Variants in ZNF280D observed in about 807,000 individuals in gnomAD.
ZNF280D encodes the protein zinc finger protein 280D.
Under a neutral mutation model 94.7 loss-of-function variants are expected in ZNF280D, and 39 were observed. The ratio of observed to expected loss-of-function variants is 0.41; its 90% confidence interval spans 0.32 to 0.54. The LOEUF (loss-of-function observed/expected upper bound fraction) is 0.54, where lower values mean the gene tolerates loss of function less well. ZNF280D is among the 20% of genes least tolerant of loss of function. The pLI, the probability that ZNF280D is intolerant of heterozygous loss-of-function variation, is 0.22. For synonymous variants in ZNF280D, 398 were observed against 377.6 expected (o/e 1.05, Z -0.63); for missense variants, 1,090 against 1,149.3 (o/e 0.95, Z 0.75).
chr15:56,730,814 A>T (rs1252676785), intron 1 of ZNF280D, among the ~76,000 whole-genome samples: 9 of 152,196 alleles, frequency 5.9e-5, no homozygotes, highest in African/African-American at 2.2e-4. Flanking sequence ...ACTGCTCCCA[A>T]CTGTGTTTAT....
chr15:56,715,111 T>C (rs1475356279), intron 1 of ZNF280D, among the ~76,000 whole-genome samples: 1 of 152,090 alleles, frequency 6.6e-6, no homozygotes, highest in Non-Finnish European at 1.5e-5. Flanking sequence ...TCTGGAAAGA[T>C]AAGACAGTGC....
intron 13 of ZNF280D, among the ~76,000 whole-genome samples, chr15:56,669,962 T>A (rs369792597): frequency 0.067 from 55 of 826 alleles, 12 homozygotes; most frequent in Non-Finnish European, 0.087. Flanking sequence ...TATATATATA[T>A]TATATATATA....
rs770956830 is a variant in ZNF280D at position 56,693,174 on chromosome 15, T to A, written c.423A>T (p.Ser141=). Reference sequence around the variant, plus strand: ...GGGTCAAGTCAAACAGTAACTCTGATGACTTATTAGACACAACTCGTGATG... The same window carrying A: ...GGGTCAAGTCAAACAGTAACTCTGAAGACTTATTAGACACAACTCGTGATG... ...TNSSRVVSNK[S]SELLFDLTQD... The change falls in exon 7 of 22, where the codon TCA becomes TCT. Residue 141 remains serine (S), a synonymous_variant. Transcript: ENST00000267807. 6.2e-7 allele frequency: 1 copy of A among 1,603,142 alleles called. No homozygotes were observed. Among genetic ancestry groups the A allele is most frequent in the African/African-American group, 1.3e-5 (1 of 74,572 alleles).
intron 9 of ZNF280D, chr15:56,688,832 C>T: frequency 3.1e-6 from 1 of 321,368 alleles, no homozygotes; most frequent in Non-Finnish European, 5.6e-6. Flanking sequence ...AATAAGCATA[C>T]ATTATAATAT....
intron 6 of ZNF280D, chr15:56,697,843 A>C (rs1197178633): frequency 1.3e-5 from 2 of 152,166 alleles, no homozygotes; most frequent in Non-Finnish European, 1.5e-5. Context: ...TGACTTGCAA[A>C]CGCAAAAAAA....
At chr15:56,681,070 G>A (rs1457351180) in intron 10 of ZNF280D, among the ~76,000 whole-genome samples, 1 of 152,092 alleles carries the variant, frequency 6.6e-6, no homozygotes, top group African/African-American at 2.4e-5. Flanking sequence ...ATAAGAGGAG[G>A]TAAAGAAATA....
chr15:56,637,396 G>A (rs1049553503), intron 20 of ZNF280D, among the ~76,000 whole-genome samples: 2 of 151,646 alleles, frequency 1.3e-5, no homozygotes, highest in Non-Finnish European at 2.9e-5. Context: ...GCCCAGGCTG[G>A]TCTCAAACTC....
chr15:56,685,440 TA>T (rs2055937497), intron 9 of ZNF280D, among the ~76,000 whole-genome samples: 1 of 151,906 alleles, frequency 6.6e-6, no homozygotes, highest in Admixed American at 6.6e-5. Flanking sequence ...TGGGAGAGGA[TA>T]AAAGGACAAA....
intron 19 of ZNF280D, chr15:56,653,010 T>G: frequency 3.2e-6 from 3 of 942,272 alleles, no homozygotes; most frequent in Non-Finnish European, 3.8e-6. Flanking sequence ...ACCAAGCTAT[T>G]AAATTAATTT....
At position 56,642,970 on chromosome 15, in the gene ZNF280D, T is replaced by C; in HGVS notation, c.2241A>G (p.Glu747=). ...SELKKEAPAK[E]QEPVSKEIAR... ...ACTTTACCTTAGACACAGGTTCTTG[T>C]TCCTTTGCGGGAGCTTCTTTTTTTA... The change falls in exon 20 of 22, where the codon GAA becomes GAG. Residue 747 remains glutamate (E), a synonymous_variant. Transcript: ENST00000267807. 1 of 1,512,068 alleles carries C rather than the reference T, an allele frequency of 6.6e-7. No individual in the cohort carries two copies. Among genetic ancestry groups the C allele is most frequent in the Non-Finnish European group, 8.8e-7 (1 of 1,134,572 alleles). The allele number at this position is 1,512,068 out of a possible 1,614,324, so 93.7% of individuals were successfully genotyped here. A position where few individuals can be genotyped will look rare whatever the true frequency, so the allele number is the denominator to read the frequency against.
At chr15:56,636,539 A>G (rs1386304668) in intron 20 of ZNF280D, among the ~76,000 whole-genome samples, 1 of 144,100 alleles carries the variant, frequency 6.9e-6, no homozygotes, top group African/African-American at 2.6e-5. Context: ...GATGGAGTGC[A>G]GTGGTATGAT....
At chr15:56,695,813 G>A (rs2141133311) in intron 6 of ZNF280D, among the ~76,000 whole-genome samples, 1 of 152,094 alleles carries the variant, frequency 6.6e-6, no homozygotes, top group South Asian at 2.1e-4. Context: ...CAGGTGTGAG[G>A]CACTGCACCC....
chr15:56,708,072 A>G (rs2057523143), intron 1 of ZNF280D, among the ~76,000 whole-genome samples: 1 of 152,156 alleles, frequency 6.6e-6, no homozygotes, highest in Admixed American at 6.5e-5. Context: ...TAAAGCAAAA[A>G]ACGTCAACAA....
intron 13 of ZNF280D, 140 bp from the exon 14 acceptor site, chr15:56,669,097 T>A: frequency 1.4e-6 from 1 of 731,130 alleles, no homozygotes; most frequent in South Asian, 2.0e-5. Flanking sequence ...CATAATAATA[T>A]AAAATGCCTC....
At chr15:56,697,885 T>G (rs976028376) in intron 6 of ZNF280D, 20 of 152,228 alleles carry the variant, frequency 1.3e-4, no homozygotes, top group African/African-American at 4.6e-4. Context: ...TTCACATCTT[T>G]GCAAAGCTCT....
intron 7 of ZNF280D, among the ~76,000 whole-genome samples, chr15:56,689,861 T>TA (rs1176266369): frequency 1.3e-5 from 2 of 152,120 alleles, no homozygotes. Context: ...CTAGAGTTTG[T>TA]AAAAAAACAA....
At chr15:56,648,533 T>G (rs1228644841) in intron 19 of ZNF280D, among the ~76,000 whole-genome samples, 4 of 151,972 alleles carry the variant, frequency 2.6e-5, no homozygotes, top group Non-Finnish European at 5.9e-5. Flanking sequence ...AGGATACTAC[T>G]GAGTAGTTTA....
At chr15:56,710,515 T>C (rs1265440200) in intron 1 of ZNF280D, among the ~76,000 whole-genome samples, 3 of 151,984 alleles carry the variant, frequency 2.0e-5, no homozygotes, top group Non-Finnish European at 2.9e-5. Flanking sequence ...ACTGTTTGCA[T>C]GGGGGAAAAA....
chr15:56,642,646 T>C (rs1487141008), intron 20 of ZNF280D, among the ~76,000 whole-genome samples: 1 of 151,764 alleles, frequency 6.6e-6, no homozygotes, highest in African/African-American at 2.4e-5. Context: ...TGCCAAATGA[T>C]TGAGGTTTTA....
Sources: gnomAD v4.1 joint callset for allele counts (sites outside exome capture counted in the v4.1 genomes callset) on GRCh38, gnomAD v4.1.1 for gene constraint, MANE v1.5 for transcripts, NCBI Gene and HGNC (gene_info 2026-07-23, HGNC 2026-07-21) for gene names.